The following MED27 variants were observed in gnomAD, a reference collection of about 807,000 sequenced individuals.
MED27 encodes mediator complex subunit 27, also known as mediator of RNA polymerase II transcription subunit 27.
In MED27, 30 loss-of-function variants were observed where a neutral mutation model predicts 38.2. The ratio of observed to expected loss-of-function variants is 0.79; its 90% CI spans 0.59 to 1.07. The LOEUF (loss-of-function observed/expected upper bound fraction) is 1.07. Among genes scored for constraint, MED27 ranks in the 50% least tolerant of loss-of-function variants. The pLI, the probability that MED27 is intolerant of heterozygous loss-of-function variation, is 0.00. For synonymous variants in MED27, 122 were observed against 153.5 expected, an observed-to-expected ratio of 0.79 and a Z score of 1.52; for missense variants, 289 against 397.5, an observed-to-expected ratio of 0.73 and a Z score of 2.32.
chr9:132,028,008 A>C (rs1219166348), intron 2 of MED27, among the ~76,000 whole-genome samples: 2 of 152,150 alleles, frequency 1.3e-5, no homozygotes, highest in African/African-American at 4.8e-5. Context: ...AACCACAGCC[A>C]TAGTAGAGTC....
At chr9:131,886,019 A>C (rs1205406989) in intron 5 of MED27, among the ~76,000 whole-genome samples, 9 of 152,162 alleles carry the variant, frequency 5.9e-5, no homozygotes, top group African/African-American at 2.2e-4. Flanking sequence ...GAACACCAGA[A>C]AGCATTGGGA....
At chr9:132,010,852 A>C (rs1832471790) in intron 3 of MED27, among the ~76,000 whole-genome samples, 2 of 151,966 alleles carry the variant, frequency 1.3e-5, no homozygotes, top group South Asian at 4.2e-4. Flanking sequence ...TGGACACAGG[A>C]GGGGGAACAT....
At chr9:131,923,227 C>T (rs181080642) in intron 4 of MED27, among the ~76,000 whole-genome samples, 2 of 152,332 alleles carry the variant, frequency 1.3e-5, no homozygotes, top group East Asian at 1.9e-4. Context: ...TACTTCCAAT[C>T]GCAGTCCAAC....
At chr9:131,970,222 CA>C (rs1831445179) in intron 3 of MED27, among the ~76,000 whole-genome samples, 1 of 152,262 alleles carries the variant, frequency 6.6e-6, no homozygotes, top group African/African-American at 2.4e-5. Context: ...CTCAGAAAAG[CA>C]GCTCCTCTTC....
At chr9:132,073,512 A>G in intron 2 of MED27, 1 of 1,291,540 alleles carries the variant, frequency 7.7e-7, no homozygotes, top group Non-Finnish European at 9.8e-7. Context: ...TAGAGGACAG[A>G]GTCCCTAAAG....
chr9:131,870,529 G>C (rs1324128650), intron 6 of MED27, among the ~76,000 whole-genome samples: 1 of 152,186 alleles, frequency 6.6e-6, no homozygotes, highest in Non-Finnish European at 1.5e-5. Context: ...ACTTGCCCAA[G>C]CCAAGGAGCT....
chr9:132,050,527 T>G (rs1232051798), intron 2 of MED27, among the ~76,000 whole-genome samples: 1 of 152,196 alleles, frequency 6.6e-6, no homozygotes, highest in African/African-American at 2.4e-5. Flanking sequence ...CAGGCCTGAT[T>G]ATGTTCACAG....
intron 5 of MED27, among the ~76,000 whole-genome samples, chr9:131,885,242 T>C (rs1342055584): frequency 6.6e-6 from 1 of 152,184 alleles, no homozygotes; most frequent in Non-Finnish European, 1.5e-5. Context: ...AGTCTTATTC[T>C]CCAGATGGGG....
Position 131,872,535 on chromosome 9 carries a change from G to GCA in MED27, c.724-9396_724-9395insTG, listed in dbSNP as rs1838855913. On this transcript the variant is annotated intron_variant, in intron 6 of 7. Coordinates refer to ENST00000292035, the MANE Select transcript of MED27 (RefSeq NM_004269.4). The surrounding 1 kb of genome is among the most constrained non-coding windows in gnomAD (Gnocchi z 5.6). ...GTGAAGAGAAGATTCTCTTAGATCT[G>GCA]GGTGAAAGTGACAAAAAGGCAGACA... Among the ~76,000 whole-genome samples, 2 of 152,176 alleles carry GCA rather than the reference G, an allele frequency of 1.3e-5. No homozygotes were observed. The highest frequency in any genetic ancestry group is 4.8e-5 in the African/African-American group (2 of 41,428).
intron 4 of MED27, among the ~76,000 whole-genome samples, chr9:131,934,242 T>C (rs578028034): frequency 6.6e-6 from 1 of 152,226 alleles, no homozygotes; most frequent in Admixed American, 6.5e-5. Context: ...TAACATCCCA[T>C]AAACATAGGC....
chr9:132,061,139 G>T (rs372172921), intron 2 of MED27, among the ~76,000 whole-genome samples: 1 of 152,206 alleles, frequency 6.6e-6, no homozygotes, highest in Non-Finnish European at 1.5e-5. Context: ...AGAAAGGGGG[G>T]CGGCAAAAGG....
chr9:131,909,148 G>C (rs185251711), intron 4 of MED27, among the ~76,000 whole-genome samples: 1 of 152,266 alleles, frequency 6.6e-6, no homozygotes, highest in Non-Finnish European at 1.5e-5. Flanking sequence ...CTTCTGGTTT[G>C]AGCACCAGGT....
At chr9:131,987,649 T>G (rs1038054785) in intron 3 of MED27, among the ~76,000 whole-genome samples, 42 of 152,230 alleles carry the variant, frequency 2.8e-4, no homozygotes, top group African/African-American at 8.9e-4. Flanking sequence ...GCAAATTTCC[T>G]CAATTTTCTG....
chr9:132,005,460 T>C (rs1180574639), intron 3 of MED27, among the ~76,000 whole-genome samples: 1 of 152,202 alleles, frequency 6.6e-6, no homozygotes, highest in Non-Finnish European at 1.5e-5. Flanking sequence ...GAAGGGTTTC[T>C]TTCTGTCACC....
At chr9:131,888,562 T>G (rs150974367) in intron 5 of MED27, among the ~76,000 whole-genome samples, 132 of 152,320 alleles carry the variant, frequency 8.7e-4, no homozygotes, top group African/African-American at 3.1e-3. Flanking sequence ...TGGCAGCTTA[T>G]CAGAAAGTTA....
At chr9:131,946,275 T>C (rs981314883) in intron 3 of MED27, among the ~76,000 whole-genome samples, 10 of 152,326 alleles carry the variant, frequency 6.6e-5, no homozygotes, top group African/African-American at 2.4e-4. Flanking sequence ...AGTAGCAGAA[T>C]TGCTGGGTCA....
intron 3 of MED27, among the ~76,000 whole-genome samples, chr9:131,966,204 A>AAAAAG (rs1199302601): frequency 7.2e-6 from 1 of 138,692 alleles, no homozygotes; most frequent in African/African-American, 2.9e-5. Context: ...TTCTTTAAAA[A>AAAAAG]AAAAAAAAAA....
At chr9:132,078,359 T>C (rs1834100688) in intron 1 of MED27, among the ~76,000 whole-genome samples, 1 of 152,174 alleles carries the variant, frequency 6.6e-6, no homozygotes, top group South Asian at 2.1e-4. Context: ...GTCAGCACTC[T>C]TAAAGTTTCT....
intron 3 of MED27, among the ~76,000 whole-genome samples, chr9:131,946,771 C>T (rs1589227307): frequency 6.6e-6 from 1 of 152,208 alleles, no homozygotes; most frequent in African/African-American, 2.4e-5. Context: ...CTGGAAGATT[C>T]TTCTCACAAG....
Sources: allele counts gnomAD v4.1 joint callset (sites outside exome capture counted in the v4.1 genomes callset), GRCh38; gene constraint gnomAD v4.1.1; non-coding constraint Gnocchi (gnomAD v3.1); transcripts MANE v1.5; gene names NCBI Gene and HGNC (gene_info 2026-07-23, HGNC 2026-07-21).